The following ZFHX3 variants were observed in gnomAD, a reference collection of about 807,000 sequenced individuals.
ZFHX3 encodes zinc finger homeobox protein 3.
In ZFHX3, 42 loss-of-function variants were observed where a neutral mutation model predicts 279.1. The ratio of observed to expected loss-of-function variants is 0.15; its 90% CI spans 0.12 to 0.19. ZFHX3 has a LOEUF of 0.19. ZFHX3 is among the 10% of genes least tolerant of loss of function. The probability of loss-of-function intolerance (pLI) is 1.00; values close to 1 mark genes in which losing one functional copy is unlikely to be tolerated. For missense variants in ZFHX3, 4,981 were observed against 4,754.0 expected (o/e 1.05, Z -1.40); for synonymous variants, 2,293 against 1,957.8 (o/e 1.17, Z -4.52).
At chr16:73,225,692 C>G (rs1488841610) in intron 5 of ZFHX3, among the ~76,000 whole-genome samples, 1 of 152,224 alleles carries the variant, frequency 6.6e-6, no homozygotes, top group Non-Finnish European at 1.5e-5. Context: ...AAGACACTAA[C>G]TTGGTCCTTT....
chr16:73,733,108 A>AT (rs55635303), intron 1 of ZFHX3, among the ~76,000 whole-genome samples: 133,157 of 152,192 alleles, frequency 0.87, 59,226 homozygotes, highest in Non-Finnish European at 0.95. Context: ...TTGAAATAAA[A>AT]TTTAAGTTCT....
At chr16:73,526,673 C>T (rs1247674492) in intron 2 of ZFHX3, among the ~76,000 whole-genome samples, 5 of 152,148 alleles carry the variant, frequency 3.3e-5, no homozygotes, top group Non-Finnish European at 7.3e-5. Context: ...TCAGAAGCAG[C>T]TTAAACCATG....
At chr16:73,392,104 A>G (rs1408479280) in intron 3 of ZFHX3, among the ~76,000 whole-genome samples, 2 of 152,124 alleles carry the variant, frequency 1.3e-5, no homozygotes, top group Admixed American at 6.5e-5. Flanking sequence ...TCAGTAGATA[A>G]TGCCTAGAAA....
At chr16:73,234,991 A>G (rs997361990) in intron 5 of ZFHX3, among the ~76,000 whole-genome samples, 1 of 152,258 alleles carries the variant, frequency 6.6e-6, no homozygotes, top group African/African-American at 2.4e-5. Flanking sequence ...AAAGCAGACA[A>G]TGCTGTCTAG....
At chr16:73,172,639 G>GT (rs935082124) in intron 5 of ZFHX3, among the ~76,000 whole-genome samples, 8 of 152,178 alleles carry the variant, frequency 5.3e-5, no homozygotes, top group Admixed American at 2.0e-4. Context: ...TTTAAAGCCG[G>GT]TTTTTTGAGA....
intron 1 of ZFHX3, among the ~76,000 whole-genome samples, chr16:73,845,596 T>C (rs1290246387): frequency 6.6e-6 from 1 of 152,084 alleles, no homozygotes; most frequent in Non-Finnish European, 1.5e-5. Context: ...CCTCAATCAA[T>C]TCCGAGTCAG....
At chr16:73,568,218 G>A (rs2143801192) in intron 2 of ZFHX3, among the ~76,000 whole-genome samples, 1 of 152,220 alleles carries the variant, frequency 6.6e-6, no homozygotes, top group East Asian at 1.9e-4. Context: ...AGGTCATTAA[G>A]CAACTATTAA....
At chr16:73,478,065 G>C (rs925562376) in intron 2 of ZFHX3, among the ~76,000 whole-genome samples, 2 of 152,082 alleles carry the variant, frequency 1.3e-5, no homozygotes, top group African/African-American at 4.8e-5. Flanking sequence ...GAGGTCAAGA[G>C]ATCGAGAACA....
At chr16:73,147,549 G>A (rs1276510014) in intron 5 of ZFHX3, among the ~76,000 whole-genome samples, 3 of 149,530 alleles carry the variant, frequency 2.0e-5, no homozygotes, top group African/African-American at 7.4e-5. Flanking sequence ...AAAATTAGCC[G>A]GGCGTGGTAG....
At chr16:73,251,822 CCA>C (rs369897195) in intron 5 of ZFHX3, among the ~76,000 whole-genome samples, 96 of 135,208 alleles carry the variant, frequency 7.1e-4, no homozygotes, top group African/African-American at 2.5e-3. Context: ...TGCACACACA[CCA>C]CACACACACC....
intron 5 of ZFHX3, among the ~76,000 whole-genome samples, chr16:73,238,651 C>T (rs1162313314): frequency 6.6e-6 from 1 of 152,108 alleles, no homozygotes. Flanking sequence ...GATTATCTTG[C>T]TCGCCTTTGT....
intron 3 of ZFHX3, among the ~76,000 whole-genome samples, chr16:72,922,843 C>T (rs778149872): frequency 8.5e-5 from 13 of 152,110 alleles, no homozygotes; most frequent in Non-Finnish European, 1.9e-4. Flanking sequence ...GTTACAGGGT[C>T]TGAGGCTGAT....
At chr16:73,058,569 C>A (rs1187581939) in exon 1 of ZFHX3, 2 of 215,966 alleles carry the variant, frequency 9.3e-6, no homozygotes, top group African/African-American at 2.6e-5. Context: ...AGCGGCGCTG[C>A]TGGCGACGGC....
At chr16:73,057,948 G>A (rs541985052) in intron 1 of ZFHX3, among the ~76,000 whole-genome samples, 2 of 148,036 alleles carry the variant, frequency 1.4e-5, no homozygotes, top group Non-Finnish European at 3.0e-5. Context: ...GCTCAGCCCG[G>A]GGCCCCGGCG....
At chr16:72,970,212 T>C (rs1962042722) in intron 1 of ZFHX3, among the ~76,000 whole-genome samples, 1 of 116,276 alleles carries the variant, frequency 8.6e-6, no homozygotes, top group Admixed American at 7.9e-5. Context: ...TAAAAAAGAT[T>C]TTTTTTTTTT....
intron 2 of ZFHX3, among the ~76,000 whole-genome samples, chr16:73,521,883 G>A (rs7196816): frequency 0.05 from 7,617 of 151,988 alleles, 659 homozygotes; most frequent in African/African-American, 0.17. Context: ...TTCCAGCCCT[G>A]GGTCCTTAGA....
chr16:73,092,074 T>C (rs550580604), intron 8 of ZFHX3, among the ~76,000 whole-genome samples: 2 of 152,328 alleles, frequency 1.3e-5, no homozygotes, highest in East Asian at 1.9e-4. Flanking sequence ...AGATTTCTTA[T>C]AGACAGGCTA....
intron 1 of ZFHX3, among the ~76,000 whole-genome samples, chr16:72,975,594 C>T (rs150531942): frequency 6.6e-6 from 1 of 152,170 alleles, no homozygotes; most frequent in African/African-American, 2.4e-5. Flanking sequence ...TACTTTTAAT[C>T]AAGAAATCCA....
chr16:73,187,197 T>C (rs948997502), intron 5 of ZFHX3, among the ~76,000 whole-genome samples: 35 of 151,538 alleles, frequency 2.3e-4, no homozygotes, highest in African/African-American at 7.3e-4. Flanking sequence ...AATGTGTTTG[T>C]CTAAAAACAT....
Sources: allele counts gnomAD v4.1 joint callset (sites outside exome capture counted in the v4.1 genomes callset), GRCh38; gene constraint gnomAD v4.1.1; transcripts MANE v1.5; gene names NCBI Gene and HGNC (gene_info 2026-07-23, HGNC 2026-07-21).